Variants in KAT6B observed in about 807,000 individuals in gnomAD.
KAT6B encodes histone acetyltransferase KAT6B.
In KAT6B, 10 loss-of-function variants were observed where a neutral mutation model predicts 187.5. The ratio of observed to expected loss-of-function variants is 0.05; its 90% CI spans 0.03 to 0.09. The LOEUF is 0.09. Among genes scored for constraint, KAT6B ranks in the 10% least tolerant of loss-of-function variants. KAT6B has a pLI of 1.00. For missense variants in KAT6B, 1,952 were observed against 2,558.9 expected (o/e 0.76, Z 5.12); for synonymous variants, 861 against 926.8 (o/e 0.93, Z 1.29).
Position 75,020,826 on chromosome 10 carries a change from AC to A in KAT6B, c.2861+16del. On this transcript the variant is annotated intron_variant, in intron 14 of 17. Transcript: ENST00000287239. Reference sequence around the variant, plus strand: ...AGAGAGATGGCAGGTGAGTCCTGGGACCCTGGGCAGCTCCGTGGCTCAGGCA... The same window carrying A: ...AGAGAGATGGCAGGTGAGTCCTGGGACCTGGGCAGCTCCGTGGCTCAGGCA... The A allele has an allele frequency of 6.2e-7, 1 of 1,610,744 alleles. No individual in the cohort carries two copies.
intron 13 of KAT6B, among the ~76,000 whole-genome samples, chr10:75,012,386 G>A (rs951861035): frequency 4.6e-5 from 7 of 152,180 alleles, no homozygotes; most frequent in Admixed American, 3.9e-4. Flanking sequence ...AGTTGAGGCT[G>A]CAGTGAACCA....
chr10:74,856,608 C>T (rs1245336985), intron 3 of KAT6B, among the ~76,000 whole-genome samples: 2 of 151,502 alleles, frequency 1.3e-5, no homozygotes, highest in South Asian at 2.1e-4. Flanking sequence ...ACAAGAATAG[C>T]GTGTGGGGGT....
chr10:74,916,094 G>A (rs531685350), intron 3 of KAT6B, among the ~76,000 whole-genome samples: 212 of 152,250 alleles, frequency 1.4e-3, no homozygotes, highest in African/African-American at 4.8e-3. Flanking sequence ...ACCCGGAGGC[G>A]GAGGTTGCAG....
intron 13 of KAT6B, among the ~76,000 whole-genome samples, chr10:74,993,689 A>G (rs1843250519): frequency 6.6e-6 from 1 of 152,154 alleles, no homozygotes; most frequent in East Asian, 1.9e-4. Flanking sequence ...AATCTGGAAT[A>G]GTACCTGCTT....
chr10:74,908,726 G>C (rs942658196), intron 3 of KAT6B, among the ~76,000 whole-genome samples: 1 of 152,098 alleles, frequency 6.6e-6, no homozygotes, highest in Non-Finnish European at 1.5e-5. Context: ...CTGATTCTCT[G>C]CTTTTCCAGC....
chr10:74,919,734 T>C (rs11001202), intron 3 of KAT6B, among the ~76,000 whole-genome samples: 131 of 152,268 alleles, frequency 8.6e-4, no homozygotes, highest in Non-Finnish European at 1.3e-3. Flanking sequence ...TCATTTTCAG[T>C]CTCCAATTAA....
chr10:74,873,342 G>A (rs1471885386), intron 3 of KAT6B, among the ~76,000 whole-genome samples: 2 of 151,114 alleles, frequency 1.3e-5, no homozygotes, highest in African/African-American at 4.9e-5. Context: ...GCATGTGCCT[G>A]TGGTTCCAGC....
chr10:74,959,846 A>G (rs1840969043), intron 3 of KAT6B, 124 bp from the exon 4 acceptor site: 1 of 701,758 alleles, frequency 1.4e-6, no homozygotes, highest in Non-Finnish European at 2.5e-6. Flanking sequence ...TACGTTATTT[A>G]GCAGTTTTTC....
chr10:74,966,436 G>A (rs1841475604), intron 4 of KAT6B, among the ~76,000 whole-genome samples: 1 of 152,178 alleles, frequency 6.6e-6, no homozygotes, highest in Non-Finnish European at 1.5e-5. Context: ...GGGCGCTGCT[G>A]TTGTTGTGCT....
intron 1 of KAT6B, among the ~76,000 whole-genome samples, chr10:74,828,489 C>G (rs1840447260): frequency 6.9e-6 from 1 of 144,706 alleles, no homozygotes; most frequent in Non-Finnish European, 1.5e-5. Flanking sequence ...TTCTTCCTGT[C>G]TTACTTGTAT....
intron 1 of KAT6B, among the ~76,000 whole-genome samples, chr10:74,838,084 T>C (rs1841450412): frequency 6.6e-6 from 1 of 152,194 alleles, no homozygotes; most frequent in South Asian, 2.1e-4. Flanking sequence ...TTTAAATTTA[T>C]TTTTTGCTTT....
Position 74,975,663 on chromosome 10 carries a change from T to G in KAT6B, c.1326T>G (p.Phe442Leu). ...KGLIDGLTKF[F>L]TPSPDGRRSR... ...TCATTGATGGCCTTACTAAGTTTTTTACACCATCACCTGATGGTCGCAGAT... is the reference window on the plus strand; with the variant it reads ...TCATTGATGGCCTTACTAAGTTTTTGACACCATCACCTGATGGTCGCAGAT... Residue 442 changes from phenylalanine to leucine, a missense_variant, in exon 8 of 18, where the codon TTT (phenylalanine) becomes TTG (leucine). Transcript: ENST00000287239. The G allele has an allele frequency of 6.2e-7, 1 of 1,614,206 alleles. No individual in the cohort carries two copies. Among genetic ancestry groups the G allele is most frequent in the South Asian group, 1.1e-5 (1 of 91,084 alleles).
intron 13 of KAT6B, among the ~76,000 whole-genome samples, chr10:75,018,420 A>G (rs1337344255): frequency 6.6e-6 from 1 of 152,130 alleles, no homozygotes; most frequent in African/African-American, 2.4e-5. Flanking sequence ...TTATGCCTAA[A>G]TGCTCCCCAT....
intron 3 of KAT6B, among the ~76,000 whole-genome samples, chr10:74,867,607 G>T (rs879852210): frequency 1.8e-4 from 27 of 152,208 alleles, no homozygotes; most frequent in Middle Eastern, 3.2e-3. Context: ...TGAGGGACAC[G>T]AGGACATGTC....
At chr10:74,917,981 C>T (rs1428049926) in intron 3 of KAT6B, among the ~76,000 whole-genome samples, 1 of 152,036 alleles carries the variant, frequency 6.6e-6, no homozygotes, top group East Asian at 1.9e-4. Flanking sequence ...ATAAATATAT[C>T]CTCATATTTG....
At position 75,030,474 on chromosome 10, in the gene KAT6B, C is replaced by A; in HGVS notation, c.5650C>A (p.Leu1884Met). The change falls in exon 18 of 18, where the codon CTG becomes ATG. Residue 1884 changes from leucine to methionine, a missense_variant. Physicochemically the swap from Leu to Met is conservative, Grantham distance 15. Transcript: ENST00000287239. This position sits in a 1 kb window ranked among gnomAD's most constrained non-coding sequence, Gnocchi z 4.8. The stretch of plus-strand genomic sequence containing the variant: ...AGCTACCATGACCCCACCCCCCAAC[C>A]TGACTCCTCCTCCAATGAATCTGCC... ...AQATMTPPPN[L>M]TPPPMNLPPP... 2 of 1,613,172 alleles carry A rather than the reference C, an allele frequency of 1.2e-6. No individual in the cohort carries two copies. Among genetic ancestry groups the A allele is most frequent in the Non-Finnish European group, 1.7e-6 (2 of 1,179,178 alleles).
chr10:74,929,252 A>G (rs1408667311), intron 3 of KAT6B, among the ~76,000 whole-genome samples: 2 of 152,166 alleles, frequency 1.3e-5, no homozygotes, highest in African/African-American at 4.8e-5. Flanking sequence ...TCTAATCAGA[A>G]TGTCTGATTT....
At chr10:74,941,626 C>T (rs556746033) in intron 3 of KAT6B, among the ~76,000 whole-genome samples, 18 of 152,254 alleles carry the variant, frequency 1.2e-4, no homozygotes, top group Non-Finnish European at 2.5e-4. Flanking sequence ...CACACACATG[C>T]ATGCACACAT....
chr10:75,022,253 CTG>C lies in KAT6B; in HGVS notation c.3372+25_3372+26del, dbSNP rs752391317. 6 of 1,612,862 alleles carry C rather than the reference CTG, an allele frequency of 3.7e-6. No homozygotes were observed. The Admixed American group carries it at 1.0e-4, about 27-fold the overall frequency. ...AAAGGTAGGTGTCTGTTTAGATTTT[CTG>C]TGAGTCGCGTTCAATCAAATCTTAT... On this transcript the variant is annotated intron_variant, in intron 16 of 17. Coordinates refer to ENST00000287239, the MANE Select transcript of KAT6B (RefSeq NM_012330.4).
Sources: gnomAD v4.1 joint callset for allele counts (sites outside exome capture counted in the v4.1 genomes callset) on GRCh38, gnomAD v4.1.1 for gene constraint, Gnocchi (gnomAD v3.1) non-coding constraint, MANE v1.5 for transcripts, NCBI Gene and HGNC (gene_info 2026-07-23, HGNC 2026-07-21) for gene names.